Variants in BACH2 observed in about 807,000 individuals in gnomAD.
The protein encoded by BACH2 is transcription regulator protein BACH2.
A neutral mutation model predicts 61.8 loss-of-function variants in BACH2; 5 were observed. The ratio of observed to expected loss-of-function variants is 0.08; its 90% CI spans 0.04 to 0.17. The LOEUF (loss-of-function observed/expected upper bound fraction) is 0.17. Ranked by LOEUF, BACH2 falls within the 10% of genes least tolerant of loss-of-function variation. The pLI is 1.00. For synonymous variants in BACH2, 446 were observed against 440.1 expected, an observed-to-expected ratio of 1.01 and a Z score of -0.17; for missense variants, 824 against 1,091.1, an observed-to-expected ratio of 0.76 and a Z score of 3.45.
At chr6:89,944,933 C>A (rs1000166764) in intron 7 of BACH2, among the ~76,000 whole-genome samples, 2 of 152,132 alleles carry the variant, frequency 1.3e-5, no homozygotes, top group African/African-American at 4.8e-5. Context: ...TAATTTCCAA[C>A]ATCTAAAAAC....
At chr6:89,960,002 ACT>A (rs747928916) in intron 6 of BACH2, among the ~76,000 whole-genome samples, 32 of 151,640 alleles carry the variant, frequency 2.1e-4, no homozygotes, top group Non-Finnish European at 3.8e-4. Flanking sequence ...TGCATCCCTG[ACT>A]CTGTGGTGGA....
chr6:90,046,060 A>G (rs1037380512), intron 5 of BACH2, among the ~76,000 whole-genome samples: 2 of 151,368 alleles, frequency 1.3e-5, no homozygotes, highest in Admixed American at 1.3e-4. Flanking sequence ...AAAGACCCCA[A>G]AATGAAGCCT....
chr6:90,218,964 AGAGT>A (rs1769643330), intron 3 of BACH2, among the ~76,000 whole-genome samples: 1 of 151,316 alleles, frequency 6.6e-6, no homozygotes, highest in South Asian at 2.1e-4. Flanking sequence ...TGTGACACAG[AGAGT>A]GAGAGTGCAC....
At chr6:90,071,202 C>G (rs994242773) in intron 5 of BACH2, among the ~76,000 whole-genome samples, 3 of 152,216 alleles carry the variant, frequency 2.0e-5, no homozygotes, top group African/African-American at 4.8e-5. Flanking sequence ...GATCTAAGTA[C>G]TGCAGAGTCT....
At chr6:90,223,767 G>GCT (rs1439181874) in intron 3 of BACH2, among the ~76,000 whole-genome samples, 1 of 152,094 alleles carries the variant, frequency 6.6e-6, no homozygotes, top group African/African-American at 2.4e-5. Flanking sequence ...GAGCCACCAG[G>GCT]CTCAGCCTCA....
intron 1 of BACH2, among the ~76,000 whole-genome samples, chr6:90,292,347 A>G (rs968506065): frequency 1.3e-5 from 2 of 152,204 alleles, no homozygotes; most frequent in African/African-American, 2.4e-5. Flanking sequence ...CAGTAAATCA[A>G]AACTATTATT....
chr6:90,268,693 C>T (rs1401701081), intron 2 of BACH2, among the ~76,000 whole-genome samples: 2 of 152,012 alleles, frequency 1.3e-5, no homozygotes, highest in East Asian at 3.9e-4. Context: ...AAATTAAAAA[C>T]AAAACTGGTC....
rs1772381175 is a variant in BACH2, at chr6:89,926,766, A to G, written c.*5642T>C. On this transcript the variant is annotated 3_prime_UTR_variant, in exon 9 of 9. Transcript: ENST00000257749. ...ACAGCCTTTCATTTTTTACAATAAA[A>G]ACCACGAGAAAAACCACAATCACTT... 1 of 152,682 alleles carries G rather than the reference A, an allele frequency of 6.5e-6. No individual in the cohort carries two copies. Among genetic ancestry groups the G allele is most frequent in the African/African-American group, 2.4e-5 (1 of 41,460 alleles). 9.5% of individuals were successfully genotyped at this position (152,682 alleles called of 1,614,324 possible). A position where few individuals can be genotyped will look rare whatever the true frequency, so the allele number is the denominator to read the frequency against.
intron 8 of BACH2, 63 bp downstream of exon 8, chr6:89,938,081 C>T (rs1233389795): frequency 1.2e-5 from 18 of 1,489,410 alleles, no homozygotes; most frequent in Non-Finnish European, 1.7e-5. Context: ...ACTTTCATTG[C>T]TGTTACTTTA....
Position 90,272,171 on chromosome 6 carries a change from A to C in BACH2, c.-445-230T>G, listed in dbSNP as rs182203466. ...GTCACCAAGACTTACTGTGCAGGGT[A>C]CAAATGGCCTTCTTCCGTGTCAAAT... On this transcript the variant is annotated intron_variant, in intron 1 of 8. Coordinates refer to ENST00000257749, the MANE Select transcript of BACH2 (RefSeq NM_021813.4). Among the ~76,000 whole-genome samples the C allele has an allele frequency of 3.9e-5, 6 of 152,252 alleles. No homozygotes were observed. The East Asian group carries it at 1.2e-3, about 29-fold the overall frequency.
chr6:89,988,604 C>G (rs1384342294), intron 6 of BACH2, among the ~76,000 whole-genome samples: 1 of 152,102 alleles, frequency 6.6e-6, no homozygotes, highest in African/African-American at 2.4e-5. Flanking sequence ...AGCAGAAGAT[C>G]TGACTACAAG....
At chr6:89,948,064 T>C (rs404256) in intron 7 of BACH2, among the ~76,000 whole-genome samples, 94,827 of 151,904 alleles carry the variant, frequency 0.62, 30,048 homozygotes, top group African/African-American at 0.71. Context: ...GTGTTCTTGC[T>C]GTGGCCCCAA....
intron 4 of BACH2, among the ~76,000 whole-genome samples, chr6:90,108,920 A>T (rs1783044868): frequency 6.6e-6 from 1 of 152,008 alleles, no homozygotes. Flanking sequence ...TGAGCTCTGG[A>T]TCCCATCCCC....
In BACH2 at chr6:90,205,604, T is replaced by C. The variant is rs530403585; in HGVS notation, c.-162+965A>G. ...AAGTGTCAAGGCTGAGAATCCCTGC[T>C]CCAGCCATACCAAACTCTTTGCTGT... On this transcript the variant is annotated intron_variant, in intron 4 of 8. Transcript: ENST00000257749. 2.0e-5 allele frequency among the ~76,000 whole-genome samples: 3 copies of C among 152,316 alleles called. No individual in the cohort carries two copies. In the East Asian group the frequency reaches 5.8e-4, roughly 29 times the overall value.
intron 5 of BACH2, among the ~76,000 whole-genome samples, chr6:90,076,987 G>T (rs1193532611): frequency 6.6e-6 from 1 of 152,160 alleles, no homozygotes; most frequent in African/African-American, 2.4e-5. Context: ...AACCAGCAAT[G>T]CGGACATGCA....
intron 1 of BACH2, among the ~76,000 whole-genome samples, chr6:90,289,505 T>C (rs1349940704): frequency 6.6e-6 from 1 of 152,164 alleles, no homozygotes; most frequent in Non-Finnish European, 1.5e-5. Flanking sequence ...CTGTCAAAAT[T>C]CCTTAATTTT....
intron 5 of BACH2, among the ~76,000 whole-genome samples, chr6:90,029,437 C>G (rs1217405603): frequency 1.3e-5 from 2 of 152,140 alleles, no homozygotes; most frequent in Admixed American, 1.3e-4. Context: ...TGAGGCCTCC[C>G]TAACCACCCT....
At chr6:90,080,188 A>G (rs1415839589) in intron 5 of BACH2, among the ~76,000 whole-genome samples, 4 of 152,196 alleles carry the variant, frequency 2.6e-5, no homozygotes, top group Non-Finnish European at 4.4e-5. Context: ...CAAATTAACA[A>G]AAGTGATATC....
chr6:90,179,212 A>T (rs1447897029), intron 4 of BACH2, among the ~76,000 whole-genome samples: 2 of 152,166 alleles, frequency 1.3e-5, no homozygotes, highest in African/African-American at 4.8e-5. Context: ...GTATTTCTAT[A>T]AATTAAAAAA....
Sources: allele counts gnomAD v4.1 joint callset (sites outside exome capture counted in the v4.1 genomes callset), GRCh38; gene constraint gnomAD v4.1.1; transcripts MANE v1.5; gene names NCBI Gene and HGNC (gene_info 2026-07-23, HGNC 2026-07-21).